Variants in SNX4 observed in about 807,000 individuals in gnomAD.
SNX4 encodes the protein sorting nexin-4.
SNX4 carries 49 observed loss-of-function variants against 70.8 expected under a neutral mutation model. That is an observed-to-expected ratio of 0.69 (90% CI 0.55 to 0.88). The LOEUF is 0.88. SNX4 is among the 40% of genes least tolerant of loss of function. SNX4 has a pLI of 0.00. For missense variants in SNX4, 528 were observed against 544.8 expected, an observed-to-expected ratio of 0.97 and a Z score of 0.31; for synonymous variants, 206 against 183.8, an observed-to-expected ratio of 1.12 and a Z score of -0.98.
At chr3:125,454,192 G>A (rs893379880) in intron 11 of SNX4, among the ~76,000 whole-genome samples, 2 of 152,178 alleles carry the variant, frequency 1.3e-5, no homozygotes, top group Non-Finnish European at 2.9e-5. Context: ...ATAATCTAGA[G>A]ATAATTTAAA....
At chr3:125,509,560 T>C (rs1015137923) in intron 1 of SNX4, among the ~76,000 whole-genome samples, 12 of 151,978 alleles carry the variant, frequency 7.9e-5, no homozygotes, top group African/African-American at 2.7e-4. Context: ...AAGGCCAGCC[T>C]AGCCAACATG....
At chr3:125,451,216 A>G (rs1933562988) in intron 13 of SNX4, 89 bp downstream of exon 13, 5 of 641,736 alleles carry the variant, frequency 7.8e-6, no homozygotes, top group Middle Eastern at 2.7e-4. Flanking sequence ...AAGAATAAAA[A>G]TGAAAAATTT....
intron 1 of SNX4, among the ~76,000 whole-genome samples, chr3:125,508,873 T>C (rs1355772783): frequency 6.6e-6 from 1 of 150,738 alleles, no homozygotes; most frequent in Non-Finnish European, 1.5e-5. Flanking sequence ...TAACTTTAAA[T>C]GGTTCAAAGA....
chr3:125,453,891 T>C lies in SNX4; in HGVS notation c.1109A>G (p.Gln370Arg). Reference protein sequence around the residue: ...TKLFGQETPEQREARIKVLEE... With the variant: ...TKLFGQETPERREARIKVLEE... ...TAGCACCTTTATTCTGGCTTCTCTCTGCTCTGGAGTTTCTTGACCAAAGAG... is the reference window on the plus strand; with the variant it reads ...TAGCACCTTTATTCTGGCTTCTCTCCGCTCTGGAGTTTCTTGACCAAAGAG... Residue 370 changes from glutamine (Q) to arginine (R), a missense_variant, in exon 12 of 14, where the codon CAG (glutamine) becomes CGG (arginine). Gln to Arg is a conservative substitution (Grantham distance 43). Around this residue, in one of 3 missense-constraint regions of SNX4, gnomAD observed 159 missense variants for 172.6 expected, o/e 0.92. Coordinates refer to ENST00000251775, the MANE Select transcript of SNX4 (RefSeq NM_003794.4). 1 of 1,614,072 alleles carries C rather than the reference T, an allele frequency of 6.2e-7. No homozygotes were observed. Among genetic ancestry groups the C allele is most frequent in the Non-Finnish European group, 8.5e-7 (1 of 1,179,934 alleles).
At chr3:125,467,180 AG>A (rs1478565119) in intron 9 of SNX4, among the ~76,000 whole-genome samples, 1 of 151,700 alleles carries the variant, frequency 6.6e-6, no homozygotes, top group African/African-American at 2.4e-5. Flanking sequence ...CAAGCCCAGG[AG>A]TTTGAGACCA....
intron 1 of SNX4, among the ~76,000 whole-genome samples, chr3:125,515,418 T>G (rs1261881881): frequency 6.6e-6 from 1 of 151,338 alleles, no homozygotes; most frequent in Non-Finnish European, 1.5e-5. Flanking sequence ...TCCCAGCAAT[T>G]TGGGGGGCTG....
intron 1 of SNX4, among the ~76,000 whole-genome samples, chr3:125,513,061 T>G (rs1210758029): frequency 3.9e-5 from 6 of 152,226 alleles, no homozygotes. Flanking sequence ...ATAAATGGAA[T>G]GTTTGTGTCC....
chr3:125,491,110 T>G (rs11924269), intron 5 of SNX4, among the ~76,000 whole-genome samples: 7,334 of 152,236 alleles, frequency 0.048, 418 homozygotes, highest in African/African-American at 0.13. Flanking sequence ...CTAAAGAATA[T>G]CTAAAGTAGT....
In SNX4 at chr3:125,497,853, A is replaced by C; in HGVS notation, c.530T>G (p.Phe177Cys). The C allele has an allele frequency of 6.2e-7, 1 of 1,606,318 alleles. No homozygotes were observed. The highest frequency in any genetic ancestry group is 1.1e-5 in the South Asian group (1 of 88,986). The change falls in exon 4 of 14, where the codon TTC (phenylalanine) becomes TGC (cysteine). Residue 177 changes from phenylalanine (F) to cysteine (C), a missense_variant. Coordinates refer to ENST00000251775, the MANE Select transcript of SNX4 (RefSeq NM_003794.4). ...AAATACCTGTGTTAAAAACAGATAG[A>C]AGATTTTGTCTCTACAAAGGATGGG... ...SHPILCRDKI[F>C]YLFLTQEGNW...
chr3:125,506,132 C>T (rs1405266043), intron 1 of SNX4, among the ~76,000 whole-genome samples: 1 of 152,044 alleles, frequency 6.6e-6, no homozygotes, highest in East Asian at 1.9e-4. Context: ...AACAGCAACC[C>T]CCAGGGTAGG....
At chr3:125,513,763 C>A (rs989652693) in intron 1 of SNX4, among the ~76,000 whole-genome samples, 1 of 152,166 alleles carries the variant, frequency 6.6e-6, no homozygotes, top group African/African-American at 2.4e-5. Context: ...TCTGTCTACA[C>A]AGATCAGAGG....
chr3:125,451,471 A>G (rs1933571592), intron 12 of SNX4, 52 bp from the exon 13 acceptor site: 1 of 1,350,962 alleles, frequency 7.4e-7, no homozygotes, highest in South Asian at 1.2e-5. Context: ...TAAACTGTGT[A>G]CTAAAAAGTT....
chr3:125,472,741 T>A (rs931105771), intron 8 of SNX4, among the ~76,000 whole-genome samples: 16 of 152,096 alleles, frequency 1.1e-4, no homozygotes, highest in African/African-American at 3.9e-4. Context: ...TTCTCTGCAC[T>A]GTTTGAGACA....
At chr3:125,515,227 C>T (rs1935249778) in intron 1 of SNX4, among the ~76,000 whole-genome samples, 2 of 151,888 alleles carry the variant, frequency 1.3e-5, no homozygotes, top group South Asian at 4.2e-4. Flanking sequence ...TGGCGTGTGC[C>T]TATAGTCCCA....
intron 1 of SNX4, among the ~76,000 whole-genome samples, chr3:125,506,507 ATTTTTTTTTTT>A (rs554917775): frequency 2.2e-5 from 3 of 134,698 alleles, no homozygotes; most frequent in African/African-American, 8.4e-5. Flanking sequence ...TACCAGGCTA[ATTTTTTTTTTT>A]TTTTTTCTGA....
Position 125,468,215 on chromosome 3 carries a change from A to G in SNX4, c.854+1239T>C, listed in dbSNP as rs1232497688. ...ATTCAGTACACGTGGATTACAAAGA[A>G]GAGAACAACAGAAATCAATGCCTAC... On this transcript the variant is annotated intron_variant, in intron 9 of 13. Transcript: ENST00000251775. Among the ~76,000 whole-genome samples, 4 of 152,318 alleles carry G rather than the reference A, an allele frequency of 2.6e-5. No individual in the cohort carries two copies. In the East Asian group the frequency reaches 7.7e-4, roughly 29 times the overall value.
At chr3:125,480,122 A>G in intron 7 of SNX4, 125 bp downstream of exon 7, 1 of 499,958 alleles carries the variant, frequency 2.0e-6, no homozygotes, top group Non-Finnish European at 3.5e-6. Flanking sequence ...GATGATGAAC[A>G]TATAAATTCA....
At chr3:125,490,825 G>A (rs1934643748) in intron 5 of SNX4, among the ~76,000 whole-genome samples, 1 of 150,790 alleles carries the variant, frequency 6.6e-6, no homozygotes, top group African/African-American at 2.4e-5. Context: ...TTCTAACCAA[G>A]GTAGAAGAAC....
chr3:125,500,883 C>T (rs1309799956), intron 2 of SNX4, among the ~76,000 whole-genome samples: 10 of 114,166 alleles, frequency 8.8e-5, no homozygotes, highest in African/African-American at 3.5e-4. Context: ...TTTTAGGTGG[C>T]TAATTTACAA....
Sources: allele counts gnomAD v4.1 joint callset (sites outside exome capture counted in the v4.1 genomes callset), GRCh38; gene constraint gnomAD v4.1.1; regional missense constraint gnomAD v4.1.1; transcripts MANE v1.5; gene names NCBI Gene and HGNC (gene_info 2026-07-23, HGNC 2026-07-21).